ZNF529: variants seen among roughly 807,000 people sequenced by gnomAD.
The protein encoded by ZNF529 is zinc finger protein 529.
In ZNF529, 11 loss-of-function variants were observed where a neutral mutation model predicts 10.1. The ratio of observed to expected loss-of-function variants is 1.09; its 90% CI spans 0.69 to 1.81. ZNF529 has a LOEUF of 1.81. Ranked by LOEUF, ZNF529 falls within the 40% of genes most tolerant of loss-of-function variation. ZNF529 has a pLI of 0.00. For missense variants in ZNF529, 624 were observed against 666.8 expected (o/e 0.94, Z 0.71); for synonymous variants, 204 against 215.7 (o/e 0.95, Z 0.47).
intron 2 of ZNF529, among the ~76,000 whole-genome samples, chr19:36,559,570 G>A (rs1240784126): frequency 6.6e-6 from 1 of 152,230 alleles, no homozygotes; most frequent in Non-Finnish European, 1.5e-5. Flanking sequence ...GCCTCCCGAA[G>A]TGCCGGAATT....
At chr19:36,595,087 C>A (rs1248653251) in intron 1 of ZNF529, among the ~76,000 whole-genome samples, 3 of 152,108 alleles carry the variant, frequency 2.0e-5, no homozygotes, top group Non-Finnish European at 4.4e-5. Context: ...CCCTGTTGGT[C>A]AGGATGGTCT....
intron 4 of ZNF529, among the ~76,000 whole-genome samples, chr19:36,549,060 A>T (rs932732399): frequency 6.6e-6 from 1 of 152,204 alleles, no homozygotes; most frequent in African/African-American, 2.4e-5. Context: ...TCCTAGATCA[A>T]AACAAATTTC....
rs2035091069 is a variant in ZNF529, at chr19:36,547,665, G to A, written c.893C>T (p.Thr298Ile). Residue 298 changes from threonine (T) to isoleucine (I), a missense_variant, in exon 5 of 5, where the codon ACT becomes ATT. Thr to Ile is a moderately conservative substitution (Grantham distance 89). Coordinates refer to ENST00000591340, the MANE Select transcript of ZNF529 (RefSeq NM_020951.5). Reference protein sequence around the residue: ...GKSFRVHAQLTRHQKIHTDEK... With the variant: ...GKSFRVHAQLIRHQKIHTDEK... ...ATCAGTATGGATTTTCTGATGTCGAGTAAGTTGTGCATGCACTCTAAAGGA... is the reference window on the plus strand; with the variant it reads ...ATCAGTATGGATTTTCTGATGTCGAATAAGTTGTGCATGCACTCTAAAGGA... 6.2e-7 allele frequency: 1 copy of A among 1,613,866 alleles called. No individual in the cohort carries two copies. The highest frequency in any genetic ancestry group is 8.5e-7 in the Non-Finnish European group (1 of 1,179,830).
At chr19:36,576,167 C>G (rs2036312627), upstream of ZNF529, among the ~76,000 whole-genome samples, 1 of 151,990 alleles carries the variant, frequency 6.6e-6, no homozygotes. Flanking sequence ...TCTTTTGCCT[C>G]CCTTCTCTCT....
intron 1 of ZNF529, among the ~76,000 whole-genome samples, chr19:36,595,746 A>G (rs1352116660): frequency 6.6e-6 from 1 of 152,188 alleles, no homozygotes; most frequent in East Asian, 1.9e-4. Flanking sequence ...AATTTCAGTA[A>G]GTGTCAGACT....
At chr19:36,571,224 A>G (rs1269907356) in intron 2 of ZNF529, among the ~76,000 whole-genome samples, 1 of 152,042 alleles carries the variant, frequency 6.6e-6, no homozygotes, top group Non-Finnish European at 1.5e-5. Flanking sequence ...CAATAACAAT[A>G]AAACATATAC....
intron 2 of ZNF529, among the ~76,000 whole-genome samples, chr19:36,565,624 C>A (rs1254455470): frequency 1.3e-5 from 2 of 152,066 alleles, no homozygotes; most frequent in Non-Finnish European, 2.9e-5. Context: ...TTGCTTGACC[C>A]CAGAGGCGGA....
intron 2 of ZNF529, among the ~76,000 whole-genome samples, chr19:36,586,461 C>A (rs188111458): frequency 6.6e-6 from 1 of 151,954 alleles, no homozygotes; most frequent in Admixed American, 6.6e-5. Context: ...AAAAATTAGC[C>A]GGGCGTGGTG....
At chr19:36,587,315 A>G (rs1182749366) in intron 2 of ZNF529, 1 of 152,038 alleles carries the variant, frequency 6.6e-6, no homozygotes, top group African/African-American at 2.4e-5. Flanking sequence ...CAAAACAATA[A>G]TGAGATACTA....
intron 1 of ZNF529, among the ~76,000 whole-genome samples, chr19:36,598,554 A>G (rs1366023789): frequency 6.6e-6 from 1 of 152,128 alleles, no homozygotes; most frequent in Non-Finnish European, 1.5e-5. Flanking sequence ...ACAGTTGCAA[A>G]TAAGAACAAA....
chr19:36,548,267 T>C lies in ZNF529; in HGVS notation c.291A>G (p.Gln97=), dbSNP rs775261652. The change falls in exon 5 of 5, where the codon CAA becomes CAG. Residue 97 remains glutamine (Q), a synonymous_variant. Coordinates refer to ENST00000591340, the MANE Select transcript of ZNF529 (RefSeq NM_020951.5). ...TTACCTCCCACTGAGAACCAGTGTTTTGAATAATATCTTTTCCTACAGATA... is the reference window on the plus strand; with the variant it reads ...TTACCTCCCACTGAGAACCAGTGTTCTGAATAATATCTTTTCCTACAGATA... The part of the protein sequence containing the change: ...KHLSVGKDII[Q]NTGSQWEVME... The C allele has an allele frequency of 1.9e-6, 3 of 1,611,756 alleles. No individual in the cohort carries two copies. The Admixed American group carries it at 5.0e-5, about 27-fold the overall frequency.
At position 36,572,326 on chromosome 19, in the gene ZNF529, A is replaced by T; in HGVS notation, c.14+7T>A. 1 of 1,551,102 alleles carries T rather than the reference A, an allele frequency of 6.4e-7. No individual in the cohort carries two copies. Among genetic ancestry groups the T allele is most frequent in the Middle Eastern group, 1.7e-4 (1 of 5,992 alleles). On this transcript the variant is annotated splice_region_variant and intron_variant, in intron 2 of 4. Coordinates refer to ENST00000591340, the MANE Select transcript of ZNF529 (RefSeq NM_020951.5). Reference sequence around the variant, plus strand: ...GACCAGGTAAATGAACAAAAAAAAAAACTAACCTTGAGTTGGCCATTAGTA... The same window carrying T: ...GACCAGGTAAATGAACAAAAAAAAATACTAACCTTGAGTTGGCCATTAGTA...
chr19:36,590,943 AAAG>A lies in ZNF529; in HGVS notation c.-127-1245_-127-1243del, dbSNP rs1283832677. On this transcript the variant is annotated intron_variant, in intron 1 of 4. Coordinates refer to the ZNF529 transcript ENST00000585960. The stretch of plus-strand genomic sequence containing the variant: ...AGACTCCGTCTCAAAAAAAAAAAAA[AAAG>A]AGTTGATAAAAACCTTAGCTAGAAT... Among the ~76,000 whole-genome samples, 58 of 152,062 alleles carry A rather than the reference AAAG, an allele frequency of 3.8e-4. No homozygotes were observed. The South Asian group carries it at 4.2e-3, about 11-fold the overall frequency.
At chr19:36,576,411 C>T (rs1204972376), upstream of ZNF529, among the ~76,000 whole-genome samples, 1 of 151,998 alleles carries the variant, frequency 6.6e-6, no homozygotes, top group African/African-American at 2.4e-5. Flanking sequence ...ATTGTAACTA[C>T]TGTTCACTTA....
chr19:36,574,719 T>C (rs1756326087), upstream of ZNF529: 1 of 435,618 alleles, frequency 2.3e-6, no homozygotes, highest in Non-Finnish European at 4.7e-6. Context: ...TGAGATTTCA[T>C]GTGTAGTTCA....
rs545832519 is a variant in ZNF529 at position 36,563,394 on chromosome 19, G to A, written c.15-7197C>T. On this transcript the variant is annotated intron_variant, in intron 2 of 4. Coordinates refer to ENST00000591340, the MANE Select transcript of ZNF529 (RefSeq NM_020951.5). ...GCCGAGATCACACCACAGCACTCCA[G>A]CCTGGGCAACAGAATGAGATTGTGT... Among the ~76,000 whole-genome samples the A allele has an allele frequency of 2.0e-3, 297 of 151,518 alleles. 1 individual carries two copies. The highest frequency in any genetic ancestry group is 6.9e-3 in the African/African-American group (285 of 41,166).
At chr19:36,563,541 C>T (rs1484656908) in intron 2 of ZNF529, among the ~76,000 whole-genome samples, 1 of 151,990 alleles carries the variant, frequency 6.6e-6, no homozygotes, top group Non-Finnish European at 1.5e-5. Context: ...ATCCCATTTA[C>T]AATTGCCACT....
intron 4 of ZNF529, among the ~76,000 whole-genome samples, chr19:36,552,551 T>C (rs2035304259): frequency 6.6e-6 from 1 of 152,328 alleles, no homozygotes; most frequent in East Asian, 1.9e-4. Context: ...CCAGATAGGC[T>C]TTGTGCTTTG....
intron 1 of ZNF529, chr19:36,589,829 A>G (rs911438189): frequency 9.2e-5 from 14 of 152,138 alleles, no homozygotes; most frequent in Admixed American, 8.5e-4. Flanking sequence ...TCAAGTGCAC[A>G]TGTTATATTC....
Sources: gnomAD v4.1 joint callset for allele counts (sites outside exome capture counted in the v4.1 genomes callset) on GRCh38, gnomAD v4.1.1 for gene constraint, MANE v1.5 for transcripts, NCBI Gene and HGNC (gene_info 2026-07-23, HGNC 2026-07-21) for gene names.